The following BNC2 variants were observed in gnomAD, a reference collection of about 807,000 sequenced individuals.
The protein encoded by BNC2 is basonuclin zinc finger protein 2, also known as zinc finger protein basonuclin-2.
A neutral mutation model predicts 76.3 loss-of-function variants in BNC2; 20 were observed. The observed-to-expected ratio is 0.26, with a 90% CI of 0.18 to 0.38. The LOEUF (loss-of-function observed/expected upper bound fraction) is 0.38, where lower values mean the gene tolerates loss of function less well. Ranked by LOEUF, BNC2 falls within the 10% of genes least tolerant of loss-of-function variation. BNC2 has a pLI of 1.00. For missense variants in BNC2, 1,382 were observed against 1,399.8 expected, an observed-to-expected ratio of 0.99 and a Z score of 0.20; for synonymous variants, 582 against 514.8, an observed-to-expected ratio of 1.13 and a Z score of -1.77.
intron 1 of BNC2, among the ~76,000 whole-genome samples, chr9:16,856,333 T>C (rs555386999): frequency 2.8e-4 from 42 of 152,052 alleles, no homozygotes; most frequent in Admixed American, 5.9e-4. Flanking sequence ...ATCACTGTCC[T>C]TTGTACACAA....
At chr9:16,700,377 G>T (rs1358366109) in intron 3 of BNC2, among the ~76,000 whole-genome samples, 1 of 152,062 alleles carries the variant, frequency 6.6e-6, no homozygotes, top group Non-Finnish European at 1.5e-5. Flanking sequence ...AATTAGCCAG[G>T]CTTGGTGTAG....
chr9:16,869,268 G>C (rs1348806838), intron 1 of BNC2, among the ~76,000 whole-genome samples: 2 of 152,110 alleles, frequency 1.3e-5, no homozygotes, highest in East Asian at 1.9e-4. Flanking sequence ...GGGTACACAG[G>C]ATTATTTTAT....
At chr9:16,714,606 CCAA>C (rs1253478823) in intron 3 of BNC2, among the ~76,000 whole-genome samples, 1 of 152,174 alleles carries the variant, frequency 6.6e-6, no homozygotes, top group Non-Finnish European at 1.5e-5. Context: ...TGGAAGCAAA[CCAA>C]CAACTTGTTA....
At chr9:16,823,427 C>CAAAAAAA (rs34451487) in intron 1 of BNC2, among the ~76,000 whole-genome samples, 1 of 113,114 alleles carries the variant, frequency 8.8e-6, no homozygotes, top group Non-Finnish European at 1.7e-5. Flanking sequence ...CCTGTCTCTA[C>CAAAAAAA]AAAAAAAAAA....
chr9:16,712,475 G>C (rs943459472), intron 3 of BNC2, among the ~76,000 whole-genome samples: 2 of 152,168 alleles, frequency 1.3e-5, no homozygotes, highest in Non-Finnish European at 2.9e-5. Flanking sequence ...TGCACTAACA[G>C]AAGACAAAAT....
Position 16,409,724 on chromosome 9 carries a change from A to G in BNC2, c.*9265T>C, listed in dbSNP as rs1227978832. ...CCTTAGCCTACCAATAAAAACAAAA[A>G]GCAAAACAGAACAAAACAAAAATAA... On this transcript the variant is annotated 3_prime_UTR_variant, in exon 7 of 7. Coordinates refer to ENST00000380672, the MANE Select transcript of BNC2 (RefSeq NM_017637.6). 4 of 152,788 alleles carry G rather than the reference A, an allele frequency of 2.6e-5. No homozygotes were observed. The East Asian group carries it at 7.7e-4, about 29-fold the overall frequency. 9.5% of individuals were successfully genotyped at this position (152,788 alleles called of 1,614,324 possible).
At chr9:16,467,366 T>G (rs1344816160) in intron 5 of BNC2, among the ~76,000 whole-genome samples, 1 of 150,064 alleles carries the variant, frequency 6.7e-6, no homozygotes, top group African/African-American at 2.5e-5. Flanking sequence ...CATGCTGCTA[T>G]AGAGACACAG....
At chr9:16,785,117 G>C (rs1185437944) in intron 1 of BNC2, among the ~76,000 whole-genome samples, 1 of 152,182 alleles carries the variant, frequency 6.6e-6, no homozygotes, top group African/African-American at 2.4e-5. Context: ...TTGTAGAAAA[G>C]AACGGGAACT....
chr9:16,823,268 C>T (rs1586912688), intron 1 of BNC2, among the ~76,000 whole-genome samples: 1 of 151,920 alleles, frequency 6.6e-6, no homozygotes, highest in Non-Finnish European at 1.5e-5. Context: ...GTTTATAGGT[C>T]AAACATTATA....
chr9:16,437,512 T>C lies in BNC2; in HGVS notation c.682A>G (p.Lys228Glu). The C allele has an allele frequency of 1.9e-6, 3 of 1,612,724 alleles. No individual in the cohort carries two copies. The highest frequency in any genetic ancestry group is 2.5e-6 in the Non-Finnish European group (3 of 1,179,990). Residue 228 changes from lysine to glutamate, a missense_variant, in exon 6 of 7, where the codon AAG (lysine) becomes GAG (glutamate). Lys to Glu is a moderately conservative substitution (Grantham distance 56). Around this residue, in one of 3 missense-constraint regions of BNC2, gnomAD observed 557 missense variants for 540.9 expected, o/e 1.03. Transcript: ENST00000380672. ...ATGATGGCCCAGCGGTCCAGCACCT[T>C]GCCAGCAGCATCCTAGAGGCCACAT... The part of the protein sequence containing the change: ...RGYILQDAAG[K>E]VLDRWAIMSR...
chr9:16,635,625 GAT>G (rs1343503657), intron 3 of BNC2, among the ~76,000 whole-genome samples: 2 of 152,128 alleles, frequency 1.3e-5, no homozygotes, highest in Admixed American at 6.5e-5. Flanking sequence ...GTATGCAAAA[GAT>G]ATAATTAGAA....
intron 1 of BNC2, among the ~76,000 whole-genome samples, chr9:16,852,962 A>G (rs560548735): frequency 6.6e-6 from 1 of 152,296 alleles, no homozygotes; most frequent in South Asian, 2.1e-4. Context: ...CAAACATTAC[A>G]TATCCTTTTC....
chr9:16,668,274 T>C lies in BNC2; in HGVS notation c.330+59523A>G, dbSNP rs117761426. On this transcript the variant is annotated intron_variant, in intron 3 of 6. Transcript: ENST00000380672. ...ATAGTCACAAACCACTGCACCTAGC[T>C]TCTTCTTATGCATCTTTACACTGCC... Among the ~76,000 whole-genome samples the C allele has an allele frequency of 7.0e-3, 1,069 of 152,326 alleles. 12 individuals carry two copies. The highest frequency in any genetic ancestry group is 9.6e-3 in the Non-Finnish European group (650 of 68,024).
chr9:16,750,675 G>A (rs1825164742), intron 1 of BNC2, among the ~76,000 whole-genome samples: 5 of 152,298 alleles, frequency 3.3e-5, no homozygotes, highest in South Asian at 2.1e-4. Context: ...GAATTAGACC[G>A]TAACACATTC....
At chr9:16,495,074 G>C (rs1254710837) in intron 5 of BNC2, among the ~76,000 whole-genome samples, 1 of 152,192 alleles carries the variant, frequency 6.6e-6, no homozygotes, top group South Asian at 2.1e-4. Context: ...TTGGAGTAAA[G>C]AACAGGTTGG....
chr9:16,856,658 A>C (rs1383298610), intron 1 of BNC2, among the ~76,000 whole-genome samples: 1 of 152,318 alleles, frequency 6.6e-6, no homozygotes, highest in African/African-American at 2.4e-5. Context: ...GGGTTTAAAA[A>C]AATTTTTGTT....
intron 1 of BNC2, among the ~76,000 whole-genome samples, chr9:16,839,572 C>T (rs1026744535): frequency 2.0e-5 from 3 of 152,142 alleles, no homozygotes; most frequent in Non-Finnish European, 4.4e-5. Flanking sequence ...GAAGAGAACC[C>T]CATGCAAGTC....
chr9:16,508,908 A>C (rs1409723896), intron 5 of BNC2, among the ~76,000 whole-genome samples: 1 of 151,114 alleles, frequency 6.6e-6, no homozygotes, highest in Non-Finnish European at 1.5e-5. Flanking sequence ...GTAACCTCGA[A>C]CTTCTGAGCC....
intron 6 of BNC2, chr9:16,429,537 C>T (rs1295280751): frequency 6.3e-6 from 1 of 158,742 alleles, no homozygotes; most frequent in African/African-American, 2.4e-5. Context: ...AAAAATACCA[C>T]CGGTGCACTC....
Sources: allele counts gnomAD v4.1 joint callset (sites outside exome capture counted in the v4.1 genomes callset), GRCh38; gene constraint gnomAD v4.1.1; regional missense constraint gnomAD v4.1.1; transcripts MANE v1.5; gene names NCBI Gene and HGNC (gene_info 2026-07-23, HGNC 2026-07-21).